The following KCNC2 variants were observed in gnomAD, a reference collection of about 807,000 sequenced individuals.
The protein encoded by KCNC2 is potassium voltage-gated channel subfamily C member 2.
Under a neutral mutation model 44.5 loss-of-function variants are expected in KCNC2, and 21 were observed. The observed-to-expected ratio is 0.47, with a 90% confidence interval of 0.33 to 0.68. KCNC2 has a LOEUF of 0.68. Ranked by LOEUF, KCNC2 falls within the 30% of genes least tolerant of loss-of-function variation. KCNC2 has a pLI of 0.01. For synonymous variants in KCNC2, 391 were observed against 339.1 expected, an observed-to-expected ratio of 1.15 and a Z score of -1.68; for missense variants, 589 against 826.2, an observed-to-expected ratio of 0.71 and a Z score of 3.52.
At chr12:75,151,990 TATATATTAC>T (rs1162429129) in intron 2 of KCNC2, among the ~76,000 whole-genome samples, 27 of 142,848 alleles carry the variant, frequency 1.9e-4, no homozygotes, top group African/African-American at 6.3e-4. Flanking sequence ...TTATATATTA[TATATATTAC>T]ATATTATACA....
chr12:75,169,360 A>G (rs2137569422), intron 2 of KCNC2, among the ~76,000 whole-genome samples: 1 of 151,774 alleles, frequency 6.6e-6, no homozygotes, highest in African/African-American at 2.4e-5. Context: ...ATATTCAATG[A>G]AATAGTACAA....
chr12:75,169,982 T>C (rs995010840), intron 2 of KCNC2, among the ~76,000 whole-genome samples: 10 of 151,678 alleles, frequency 6.6e-5, no homozygotes, highest in Admixed American at 6.6e-4. Context: ...AGCAATAAAA[T>C]TTGAAAATGG....
intron 2 of KCNC2, among the ~76,000 whole-genome samples, chr12:75,098,447 T>C (rs1307422833): frequency 1.3e-5 from 2 of 152,260 alleles, no homozygotes; most frequent in East Asian, 3.9e-4. Flanking sequence ...ATTCTTAAAT[T>C]GCGTTGGTCT....
chr12:75,137,513 A>T (rs1889315875), intron 2 of KCNC2, among the ~76,000 whole-genome samples: 1 of 152,234 alleles, frequency 6.6e-6, no homozygotes, highest in South Asian at 2.1e-4. Flanking sequence ...TTAAAAAACA[A>T]AATGGTTAAA....
At chr12:75,097,425 TA>T (rs1886027664) in intron 2 of KCNC2, among the ~76,000 whole-genome samples, 1 of 152,122 alleles carries the variant, frequency 6.6e-6, no homozygotes, top group South Asian at 2.1e-4. Context: ...AATGTATGTA[TA>T]TTGGGCCATT....
intron 2 of KCNC2, among the ~76,000 whole-genome samples, chr12:75,057,779 A>G (rs1343871939): frequency 2.6e-5 from 4 of 151,984 alleles, no homozygotes. Flanking sequence ...AAAACAATAT[A>G]ACATTCACTT....
At chr12:75,091,640 T>G in intron 2 of KCNC2, among the ~76,000 whole-genome samples, 1 of 151,708 alleles carries the variant, frequency 6.6e-6, no homozygotes, top group Admixed American at 6.6e-5. Flanking sequence ...TTTGTTTAGT[T>G]TATTTTTTAA....
chr12:75,159,174 C>T (rs943165983), intron 2 of KCNC2, among the ~76,000 whole-genome samples: 9 of 151,406 alleles, frequency 5.9e-5, no homozygotes, highest in Admixed American at 3.3e-4. Context: ...ATGTAGATGA[C>T]GGGCTGATGG....
intron 2 of KCNC2, among the ~76,000 whole-genome samples, chr12:75,091,546 T>C (rs903336984): frequency 6.6e-6 from 1 of 151,768 alleles, no homozygotes; most frequent in Admixed American, 6.6e-5. Flanking sequence ...ATAGTACTTT[T>C]ATCCTCACGA....
At chr12:75,064,839 A>C (rs1193594033) in intron 2 of KCNC2, among the ~76,000 whole-genome samples, 1 of 152,048 alleles carries the variant, frequency 6.6e-6, no homozygotes, top group Admixed American at 6.6e-5. Flanking sequence ...GATTTTGTGA[A>C]TTTAACTCAA....
At chr12:75,083,901 A>T (rs937127265) in intron 2 of KCNC2, among the ~76,000 whole-genome samples, 1 of 152,014 alleles carries the variant, frequency 6.6e-6, no homozygotes, top group Non-Finnish European at 1.5e-5. Flanking sequence ...AAAAGAAAAT[A>T]ACTTTCAATA....
intron 2 of KCNC2, among the ~76,000 whole-genome samples, chr12:75,067,991 T>A (rs1015387055): frequency 6.6e-6 from 1 of 152,216 alleles, no homozygotes; most frequent in African/African-American, 2.4e-5. Context: ...ATGGAGTTTA[T>A]CTTTTAGGCA....
chr12:75,193,122 C>G (rs1301381782), intron 2 of KCNC2, among the ~76,000 whole-genome samples: 1 of 152,052 alleles, frequency 6.6e-6, no homozygotes, highest in Non-Finnish European at 1.5e-5. Context: ...TTCCTATACA[C>G]AAGTTTATAA....
At chr12:75,146,994 A>G (rs750307722) in intron 2 of KCNC2, among the ~76,000 whole-genome samples, 7 of 152,194 alleles carry the variant, frequency 4.6e-5, no homozygotes, top group Non-Finnish European at 8.8e-5. Context: ...CTTAATATTT[A>G]CACATCATAA....
Position 75,042,316 on chromosome 12 carries a change from A to G in KCNC2, c.*789T>C, listed in dbSNP as rs753838715. On this transcript the variant is annotated 3_prime_UTR_variant, in exon 5 of 5. Transcript: ENST00000549446. ...GTTTTGTGCCTTCCCCAAGTCATTAAGTAAGAGATCTGGCCTCGGCTTGCG... is the reference window on the plus strand; with the variant it reads ...GTTTTGTGCCTTCCCCAAGTCATTAGGTAAGAGATCTGGCCTCGGCTTGCG... 6.2e-7 allele frequency: 1 copy of G among 1,611,760 alleles called. No individual in the cohort carries two copies. Among genetic ancestry groups the G allele is most frequent in the Non-Finnish European group, 8.5e-7 (1 of 1,178,590 alleles).
chr12:75,150,930 T>C (rs1374988053), intron 2 of KCNC2, among the ~76,000 whole-genome samples: 1 of 151,980 alleles, frequency 6.6e-6, no homozygotes, highest in Non-Finnish European at 1.5e-5. Flanking sequence ...CCATTTTCTA[T>C]GCACCCATGT....
At chr12:75,201,614 CT>C (rs1336097228) in intron 2 of KCNC2, among the ~76,000 whole-genome samples, 2 of 151,752 alleles carry the variant, frequency 1.3e-5, no homozygotes, top group Non-Finnish European at 3.0e-5. Flanking sequence ...TTTTTCAATT[CT>C]TTTTCCACAT....
intron 2 of KCNC2, among the ~76,000 whole-genome samples, chr12:75,110,484 C>A (rs1887143126): frequency 6.6e-6 from 1 of 152,062 alleles, no homozygotes. Context: ...TGCAGAGATT[C>A]TGAGAATATC....
At position 75,121,956 on chromosome 12, in the gene KCNC2, GGA is replaced by G. The variant is rs1439353795; in HGVS notation, c.688-70641_688-70640del. Among the ~76,000 whole-genome samples, 4 of 1,340 alleles carry G rather than the reference GGA, an allele frequency of 3.0e-3. No individual in the cohort carries two copies. The East Asian group carries it at 0.077, about 26-fold the overall frequency. The allele number at this position is 1,340 out of a possible 152,430, so 0.9% of individuals were successfully genotyped here. ...TCAGCTTCTTGAACACTGACTCAGTGGACTCAGTGTCAAGTGTGAGTGATAGG... is the reference window on the plus strand; with the variant it reads ...TCAGCTTCTTGAACACTGACTCAGTGCTCAGTGTCAAGTGTGAGTGATAGG... On this transcript the variant is annotated intron_variant, in intron 2 of 4. Coordinates refer to ENST00000549446, the MANE Select transcript of KCNC2 (RefSeq NM_139137.4).
Sources: gnomAD v4.1 joint callset for allele counts (sites outside exome capture counted in the v4.1 genomes callset) on GRCh38, gnomAD v4.1.1 for gene constraint, MANE v1.5 for transcripts, NCBI Gene and HGNC (gene_info 2026-07-23, HGNC 2026-07-21) for gene names.